The following ULK4 variants were observed in gnomAD, a reference collection of about 807,000 sequenced individuals.
ULK4 encodes the protein unc-51 like kinase 4.
In ULK4, 133 loss-of-function variants were observed where a neutral mutation model predicts 160.6. That is an observed-to-expected ratio of 0.83 (90% CI 0.72 to 0.96). The LOEUF (loss-of-function observed/expected upper bound fraction) is 0.96, where lower values mean the gene tolerates loss of function less well. ULK4 is among the 40% of genes least tolerant of loss of function. The pLI is 0.00. For missense variants in ULK4, 1,580 were observed against 1,499.5 expected (o/e 1.05, Z -0.89); for synonymous variants, 534 against 539.8 (o/e 0.99, Z 0.15).
intron 22 of ULK4, among the ~76,000 whole-genome samples, chr3:41,725,296 C>T (rs528580929): frequency 1.3e-5 from 2 of 152,264 alleles, no homozygotes; most frequent in African/African-American, 4.8e-5. Context: ...TACAGTACAG[C>T]TTAGGAGTAA....
At position 41,873,278 on chromosome 3, in the gene ULK4, C is replaced by G. The variant is rs577591601; in HGVS notation, c.1656+10596G>C. On this transcript the variant is annotated intron_variant, in intron 17 of 36. Coordinates refer to ENST00000301831, the MANE Select transcript of ULK4 (RefSeq NM_017886.4). ...CCATTTTTCTAAAAGGATAGCCTTCCAAGGCTCTTAGCTCCATCTAACTGC... is the reference window on the plus strand; with the variant it reads ...CCATTTTTCTAAAAGGATAGCCTTCGAAGGCTCTTAGCTCCATCTAACTGC... Among the ~76,000 whole-genome samples the G allele has an allele frequency of 2.7e-5, 4 of 147,000 alleles. No homozygotes were observed. In the South Asian group the frequency reaches 8.5e-4, roughly 31 times the overall value.
At chr3:41,379,921 TC>T in intron 35 of ULK4, among the ~76,000 whole-genome samples, 1 of 152,250 alleles carries the variant, frequency 6.6e-6, no homozygotes, top group East Asian at 1.9e-4. Flanking sequence ...ATTCCCTAGT[TC>T]CCAGGAAGTC....
Position 41,486,067 on chromosome 3 carries a change from G to C in ULK4, c.3227-22814C>G, listed in dbSNP as rs190841354. On this transcript the variant is annotated intron_variant, in intron 32 of 36. Transcript: ENST00000301831. ...CCTCACTCTTCTGGGTTTCCTCCCT[G>C]AACATTCCTTTCCAGTTTCCTGGAG... Among the ~76,000 whole-genome samples, 227 of 152,214 alleles carry C rather than the reference G, an allele frequency of 1.5e-3. 1 individual carries two copies. Among genetic ancestry groups the C allele is most frequent in the Non-Finnish European group, 2.5e-3 (173 of 68,012 alleles).
chr3:41,865,064 G>C (rs147325668), intron 17 of ULK4, among the ~76,000 whole-genome samples: 3 of 152,016 alleles, frequency 2.0e-5, no homozygotes, highest in Admixed American at 2.0e-4. Context: ...TTGAGGTCAG[G>C]AGTTCAAGAC....
intron 35 of ULK4, among the ~76,000 whole-genome samples, chr3:41,390,531 G>A (rs1291429107): frequency 1.3e-5 from 2 of 152,034 alleles, no homozygotes; most frequent in Non-Finnish European, 2.9e-5. Context: ...TCTACACACT[G>A]CTTTGAATGT....
intron 17 of ULK4, among the ~76,000 whole-genome samples, chr3:41,879,973 A>C (rs1420847349): frequency 6.6e-6 from 1 of 151,944 alleles, no homozygotes; most frequent in Non-Finnish European, 1.5e-5. Context: ...AAAATAAATT[A>C]GCTGGGCGTG....
At chr3:41,348,516 ATGAG>A (rs1018427714) in intron 35 of ULK4, among the ~76,000 whole-genome samples, 46 of 152,184 alleles carry the variant, frequency 3.0e-4, no homozygotes, top group African/African-American at 1.1e-3. Flanking sequence ...GCCAGAGAGG[ATGAG>A]TGAGCTCAGA....
At chr3:41,896,731 T>C (rs1479902118) in intron 15 of ULK4, 91 bp downstream of exon 15, 1 of 1,384,670 alleles carries the variant, frequency 7.2e-7, no homozygotes, top group East Asian at 2.3e-5. Flanking sequence ...AGTTTTTTTG[T>C]GGTAGTTAAA....
At chr3:41,822,845 C>T (rs1345674008) in intron 18 of ULK4, among the ~76,000 whole-genome samples, 1 of 151,430 alleles carries the variant, frequency 6.6e-6, no homozygotes, top group Non-Finnish European at 1.5e-5. Context: ...CCTCAGCCTC[C>T]CAAGTAGCTG....
intron 35 of ULK4, among the ~76,000 whole-genome samples, chr3:41,392,041 T>C (rs916701921): frequency 2.6e-5 from 4 of 152,078 alleles, no homozygotes; most frequent in African/African-American, 4.8e-5. Context: ...GTGGTTCATG[T>C]GTAGTCAATA....
chr3:41,564,017 G>T (rs369219961), intron 32 of ULK4, among the ~76,000 whole-genome samples: 3 of 152,124 alleles, frequency 2.0e-5, no homozygotes, highest in East Asian at 3.9e-4. Flanking sequence ...TTTGTTCTTT[G>T]ATATTGGTGA....
intron 34 of ULK4, among the ~76,000 whole-genome samples, chr3:41,448,905 A>G (rs1328223649): frequency 6.6e-6 from 1 of 152,104 alleles, no homozygotes; most frequent in Non-Finnish European, 1.5e-5. Flanking sequence ...TATTTTTTCA[A>G]GATGGAGTCT....
chr3:41,359,815 T>C (rs1427267904), intron 35 of ULK4, among the ~76,000 whole-genome samples: 2 of 151,966 alleles, frequency 1.3e-5, no homozygotes, highest in Non-Finnish European at 2.9e-5. Flanking sequence ...CCCAAAACTA[T>C]AAAAACCCTA....
chr3:41,686,348 C>T (rs909214714), intron 27 of ULK4, among the ~76,000 whole-genome samples: 4 of 152,148 alleles, frequency 2.6e-5, no homozygotes, highest in African/African-American at 9.7e-5. Flanking sequence ...GCCAGGGTTT[C>T]TTGGAAGAGG....
chr3:41,955,677 G>T, intron 1 of ULK4: 1 of 153,654 alleles, frequency 6.5e-6, no homozygotes, highest in South Asian at 1.9e-4. Context: ...AGAAGAGAGT[G>T]GGGGACACGT....
intron 36 of ULK4, among the ~76,000 whole-genome samples, chr3:41,248,984 G>T (rs1316094012): frequency 6.6e-6 from 1 of 152,200 alleles, no homozygotes; most frequent in Non-Finnish European, 1.5e-5. Context: ...AGTTCTGTGT[G>T]GTCCCTCTGA....
At chr3:41,926,115 G>A (rs1699376594) in intron 5 of ULK4, among the ~76,000 whole-genome samples, 1 of 152,162 alleles carries the variant, frequency 6.6e-6, no homozygotes, top group Non-Finnish European at 1.5e-5. Context: ...GCTGCTATCT[G>A]GCAGGTGCCC....
intron 32 of ULK4, among the ~76,000 whole-genome samples, chr3:41,521,365 T>C (rs1314324010): frequency 6.6e-6 from 1 of 152,172 alleles, no homozygotes; most frequent in African/African-American, 2.4e-5. Context: ...CTTCACTGAT[T>C]AGACCTTATT....
intron 32 of ULK4, among the ~76,000 whole-genome samples, chr3:41,547,717 C>A (rs1190573083): frequency 6.6e-6 from 1 of 152,204 alleles, no homozygotes; most frequent in Non-Finnish European, 1.5e-5. Context: ...GGCCCAATAG[C>A]CCCTAAATCT....
Sources: allele counts gnomAD v4.1 joint callset (sites outside exome capture counted in the v4.1 genomes callset), GRCh38; gene constraint gnomAD v4.1.1; transcripts MANE v1.5; gene names NCBI Gene and HGNC (gene_info 2026-07-23, HGNC 2026-07-21).